Variants in DLGAP2 observed in about 807,000 individuals in gnomAD.
DLGAP2 encodes the protein DLG associated protein 2.
In DLGAP2, 26 loss-of-function variants were observed where a neutral mutation model predicts 100.3. The observed-to-expected ratio is 0.26, with a 90% CI of 0.19 to 0.36. The LOEUF is 0.36. Ranked by LOEUF, DLGAP2 falls within the 10% of genes least tolerant of loss-of-function variation. The pLI is 1.00. For missense variants in DLGAP2, 1,858 were observed against 1,453.2 expected (o/e 1.28, Z -4.53); for synonymous variants, 886 against 630.1 (o/e 1.41, Z -6.08).
chr8:1,163,396 G>A (rs1255783848), intron 2 of DLGAP2, among the ~76,000 whole-genome samples: 5 of 152,156 alleles, frequency 3.3e-5, no homozygotes, highest in Non-Finnish European at 5.9e-5. Flanking sequence ...GGCTGGAGAC[G>A]GGCGGCCCCA....
intron 2 of DLGAP2, among the ~76,000 whole-genome samples, chr8:1,254,420 G>C (rs1236913306): frequency 1.3e-5 from 2 of 152,160 alleles, no homozygotes; most frequent in Non-Finnish European, 1.5e-5. Context: ...AGGTCTCAGT[G>C]GTCACATTTA....
At chr8:1,287,131 C>A (rs187852596) in intron 3 of DLGAP2, among the ~76,000 whole-genome samples, 1 of 136,996 alleles carries the variant, frequency 7.3e-6, no homozygotes, top group African/African-American at 2.9e-5. Flanking sequence ...TTCGGTTCAG[C>A]GTGTGTGTGT....
At chr8:1,312,033 C>G (rs985238202) in intron 3 of DLGAP2, among the ~76,000 whole-genome samples, 1 of 152,204 alleles carries the variant, frequency 6.6e-6, no homozygotes, top group Non-Finnish European at 1.5e-5. Context: ...CAGGGTTGAA[C>G]TGAGTGATAC....
At chr8:1,169,739 T>C (rs539689456) in intron 2 of DLGAP2, among the ~76,000 whole-genome samples, 7,367 of 151,550 alleles carry the variant, frequency 0.049, 208 homozygotes, top group African/African-American at 0.076. Context: ...TTTTGTATCC[T>C]GAGACTTTGC....
chr8:995,339 T>C (rs1171435936), intron 2 of DLGAP2, among the ~76,000 whole-genome samples: 4 of 152,246 alleles, frequency 2.6e-5, no homozygotes, highest in Non-Finnish European at 5.9e-5. Flanking sequence ...CTGCAGTTGA[T>C]AGAAACATCT....
At chr8:1,468,414 G>A (rs974833883) in intron 3 of DLGAP2, among the ~76,000 whole-genome samples, 2 of 151,182 alleles carry the variant, frequency 1.3e-5, no homozygotes, top group Non-Finnish European at 2.9e-5. Flanking sequence ...GCGTGGATCC[G>A]GGCTGGTCCT....
intron 2 of DLGAP2, among the ~76,000 whole-genome samples, chr8:1,198,873 C>T (rs148079365): frequency 4.2e-4 from 64 of 152,342 alleles, no homozygotes; most frequent in African/African-American, 1.5e-3. Context: ...TGCACCCCCA[C>T]GCCTGCCTAT....
intron 2 of DLGAP2, among the ~76,000 whole-genome samples, chr8:1,094,329 C>T (rs2129042217): frequency 6.6e-6 from 1 of 152,334 alleles, no homozygotes; most frequent in African/African-American, 2.4e-5. Context: ...TGATTTCTTT[C>T]CAATCCACTA....
At chr8:1,537,919 A>G (rs1408687100) in intron 4 of DLGAP2, among the ~76,000 whole-genome samples, 1 of 152,242 alleles carries the variant, frequency 6.6e-6, no homozygotes, top group Non-Finnish European at 1.5e-5. Context: ...GAAAGCTCTT[A>G]CAATGGGTCT....
chr8:1,594,704 G>C (rs1460585129), intron 6 of DLGAP2, among the ~76,000 whole-genome samples: 1 of 152,128 alleles, frequency 6.6e-6, no homozygotes, highest in Non-Finnish European at 1.5e-5. Flanking sequence ...GATTACAGTT[G>C]TGAGCCACCG....
At chr8:1,292,932 C>G (rs1031562876) in intron 3 of DLGAP2, among the ~76,000 whole-genome samples, 7 of 152,190 alleles carry the variant, frequency 4.6e-5, no homozygotes, top group Non-Finnish European at 8.8e-5. Flanking sequence ...AGCACGTGTC[C>G]TCCCTGCATT....
At chr8:1,281,361 T>G (rs919825104) in intron 3 of DLGAP2, among the ~76,000 whole-genome samples, 3 of 152,208 alleles carry the variant, frequency 2.0e-5, no homozygotes, top group Non-Finnish European at 4.4e-5. Context: ...TGGCTTTCCC[T>G]GTCATCATGA....
rs75208400 is a variant in DLGAP2 at position 1,190,166 on chromosome 8, G to C, written c.74-68685G>C. Among the ~76,000 whole-genome samples the C allele has an allele frequency of 4.2e-3, 643 of 152,262 alleles. 2 individuals carry two copies. Among genetic ancestry groups the C allele is most frequent in the African/African-American group, 0.015 (620 of 41,544 alleles). On this transcript the variant is annotated intron_variant, in intron 2 of 14. Coordinates refer to ENST00000637795, the MANE Select transcript of DLGAP2 (RefSeq NM_001346810.2). ...GAGTTGAGTTATGGATTGCACTTTA[G>C]ATAAATAGATTCCATGTTGCCCTAA... is the stretch of plus-strand genomic sequence containing the variant.
Position 1,548,800 on chromosome 8 carries a change from C to CTA in DLGAP2, c.347_348insTA (p.Arg117SerfsTer7). 6.3e-7 allele frequency: 1 copy of CTA among 1,580,184 alleles called. No homozygotes were observed. The highest frequency in any genetic ancestry group is 8.6e-7 in the Non-Finnish European group (1 of 1,167,084). On this transcript the variant is annotated frameshift_variant, in exon 5 of 15. Transcript: ENST00000637795. LOFTEE classifies it high-confidence loss of function. The stretch of plus-strand genomic sequence containing the variant: ...GAGCACCTGCACCACGGGCCCGACG[C>CTA]GCGGCCGCCCTACCTGCTGAGCCCC...
chr8:1,038,135 C>G (rs1033794050), intron 2 of DLGAP2, among the ~76,000 whole-genome samples: 4 of 152,216 alleles, frequency 2.6e-5, no homozygotes, highest in African/African-American at 9.7e-5. Context: ...GTTCGTCCCT[C>G]TGGAGTCGCT....
chr8:1,312,712 A>T (rs1800641007), intron 3 of DLGAP2, among the ~76,000 whole-genome samples: 1 of 152,260 alleles, frequency 6.6e-6, no homozygotes, highest in African/African-American at 2.4e-5. Flanking sequence ...AAATAAAATT[A>T]AATGCACATA....
intron 3 of DLGAP2, among the ~76,000 whole-genome samples, chr8:1,289,483 C>G (rs1021475029): frequency 2.0e-5 from 3 of 152,186 alleles, no homozygotes; most frequent in African/African-American, 7.2e-5. Flanking sequence ...GCACACTGGA[C>G]AGTATCAGTA....
At chr8:1,183,860 A>G (rs7824869) in intron 2 of DLGAP2, among the ~76,000 whole-genome samples, 18,480 of 152,222 alleles carry the variant, frequency 0.12, 2,156 homozygotes, top group African/African-American at 0.3. Flanking sequence ...GCAGGTGTGC[A>G]CCCTGGGTAA....
At chr8:1,339,660 T>C (rs570299394) in intron 3 of DLGAP2, among the ~76,000 whole-genome samples, 21 of 152,346 alleles carry the variant, frequency 1.4e-4, no homozygotes, top group African/African-American at 4.8e-4. Flanking sequence ...TGCATTCTTT[T>C]GGCCATTGTG....
Sources: allele counts gnomAD v4.1 joint callset (sites outside exome capture counted in the v4.1 genomes callset), GRCh38; gene constraint gnomAD v4.1.1; transcripts MANE v1.5; gene names NCBI Gene and HGNC (gene_info 2026-07-23, HGNC 2026-07-21).